The following RNF38 variants were observed in gnomAD, a reference collection of about 807,000 sequenced individuals.
The protein encoded by RNF38 is E3 ubiquitin-protein ligase RNF38.
Under a neutral mutation model 67.2 loss-of-function variants are expected in RNF38, and 15 were observed. That is an observed-to-expected ratio of 0.22 (90% confidence interval 0.15 to 0.34). RNF38 has a LOEUF of 0.34. Ranked by LOEUF, RNF38 falls within the 10% of genes least tolerant of loss-of-function variation. The pLI, the probability that RNF38 is intolerant of heterozygous loss-of-function variation, is 1.00. For synonymous variants in RNF38, 220 were observed against 218.8 expected, an observed-to-expected ratio of 1.01 and a Z score of -0.05; for missense variants, 524 against 639.9, an observed-to-expected ratio of 0.82 and a Z score of 1.95.
intron 2 of RNF38, among the ~76,000 whole-genome samples, chr9:36,380,058 GA>G (rs1397463577): frequency 3.3e-5 from 5 of 152,302 alleles, no homozygotes; most frequent in Admixed American, 2.0e-4. Flanking sequence ...GACAAGGCAT[GA>G]AAGATCACTA....
At position 36,423,810 on chromosome 9, in the gene RNF38, G is replaced by A. The variant is rs1394340780; in HGVS notation, n.312+803C>T. On this transcript the variant is annotated intron_variant and non_coding_transcript_variant, in intron 2 of 3. Coordinates refer to the RNF38 transcript ENST00000488058. ...TAAAAATACAAAAAATTAGCCGGGC[G>A]TGGTGGCGGGCGCCTGTAGTCCCAG... Among the ~76,000 whole-genome samples the A allele has an allele frequency of 1.1e-4, 10 of 89,202 alleles. 1 individual carries two copies. Among genetic ancestry groups the A allele is most frequent in the Non-Finnish European group, 1.9e-4 (7 of 37,518 alleles). The allele number at this position is 89,202 out of a possible 152,430, so 58.5% of individuals were successfully genotyped here. A position where few individuals can be genotyped will look rare whatever the true frequency, so the allele number is the denominator to read the frequency against.
intron 1 of RNF38, among the ~76,000 whole-genome samples, chr9:36,477,854 C>T (rs1840157784): frequency 1.3e-5 from 2 of 149,160 alleles, no homozygotes; most frequent in Admixed American, 6.7e-5. Flanking sequence ...AAAAGGATAG[C>T]GTAGTTGTCA....
rs946379325 is a variant in RNF38, at chr9:36,466,869, TA to T, written n.241+20438del. ...ATCAGAAGACAATAATGTCTACTTA[TA>T]AAAAAATTTGAAAAGGCATAAAGAC... is the stretch of plus-strand genomic sequence containing the variant. On this transcript the variant is annotated intron_variant and non_coding_transcript_variant, in intron 1 of 3. Coordinates refer to the RNF38 transcript ENST00000488058. 1.3e-4 allele frequency among the ~76,000 whole-genome samples: 19 copies of T among 151,836 alleles called. No individual in the cohort carries two copies. In the East Asian group the frequency reaches 2.1e-3, roughly 17 times the overall value.
chr9:36,483,179 A>T lies in RNF38; in HGVS notation n.241+4129T>A, dbSNP rs187934004. 3.9e-4 allele frequency among the ~76,000 whole-genome samples: 60 copies of T among 152,238 alleles called. No individual in the cohort carries two copies. In the East Asian group the frequency reaches 0.011, roughly 28 times the overall value. ...AGGCAGGCTGATCACAGAGGTCAGG[A>T]GTTTGAGACCAGCCTGGCCAACATG... On this transcript the variant is annotated intron_variant and non_coding_transcript_variant, in intron 1 of 3. Transcript: ENST00000488058.
Position 36,455,510 on chromosome 9 carries a change from C to T in RNF38, n.242-30827G>A, listed in dbSNP as rs150498445. Among the ~76,000 whole-genome samples the T allele has an allele frequency of 1.9e-3, 293 of 151,706 alleles. 1 individual carries two copies. Among genetic ancestry groups the T allele is most frequent in the African/African-American group, 6.8e-3 (282 of 41,410 alleles). ...AAAAGTGCACTCATTTAGCTGGACG[C>T]GGTGGCTCACGCCTATAATCCCAGC... is the stretch of plus-strand genomic sequence containing the variant. On this transcript the variant is annotated intron_variant and non_coding_transcript_variant, in intron 1 of 3. Transcript: ENST00000488058.
At chr9:36,389,431 C>G (rs1384096514) in intron 2 of RNF38, among the ~76,000 whole-genome samples, 1 of 151,708 alleles carries the variant, frequency 6.6e-6, no homozygotes, top group African/African-American at 2.4e-5. Context: ...AGACAAGATA[C>G]AGCTAAAGTT....
chr9:36,372,553 C>A, intron 3 of RNF38: 2 of 716,106 alleles, frequency 2.8e-6, no homozygotes. Context: ...TTGGCACAGC[C>A]TGTTTCTGGG....
intron 1 of RNF38, among the ~76,000 whole-genome samples, chr9:36,470,312 C>T (rs1217692660): frequency 6.6e-6 from 1 of 152,194 alleles, no homozygotes; most frequent in Non-Finnish European, 1.5e-5. Flanking sequence ...CTCAGGGCCA[C>T]AAACCATAAG....
At chr9:36,415,664 A>G (rs899706493) in intron 2 of RNF38, among the ~76,000 whole-genome samples, 3 of 152,120 alleles carry the variant, frequency 2.0e-5, no homozygotes, top group African/African-American at 7.2e-5. Flanking sequence ...GAGTCCTGTA[A>G]TGTGATCAGT....
intron 1 of RNF38, among the ~76,000 whole-genome samples, chr9:36,445,190 G>A (rs2134313316): frequency 6.6e-6 from 1 of 152,216 alleles, no homozygotes; most frequent in African/African-American, 2.4e-5. Context: ...CAACCTATCA[G>A]CAATAAATAG....
intron 1 of RNF38, among the ~76,000 whole-genome samples, chr9:36,478,892 G>C (rs539571205): frequency 1.1e-4 from 16 of 151,834 alleles, no homozygotes; most frequent in Non-Finnish European, 2.2e-4. Flanking sequence ...GGCTTTTGTG[G>C]GCAATCAATC....
At chr9:36,424,674 C>A (rs1838723847) in exon 2 of RNF38, 2 of 984,856 alleles carry the variant, frequency 2.0e-6, no homozygotes, top group Non-Finnish European at 2.4e-6. Context: ...AAAAGAAGCA[C>A]CAACACTACC....
At chr9:36,346,718 T>C (rs1323338436) in intron 9 of RNF38, among the ~76,000 whole-genome samples, 2 of 152,212 alleles carry the variant, frequency 1.3e-5, no homozygotes, top group African/African-American at 4.8e-5. Context: ...TTTATTATGA[T>C]ACTACAACTT....
chr9:36,484,696 A>T (rs985836945), intron 1 of RNF38, among the ~76,000 whole-genome samples: 42 of 152,304 alleles, frequency 2.8e-4, no homozygotes, highest in African/African-American at 9.1e-4. Flanking sequence ...ATATGGGCAT[A>T]GCCACAAACA....
At chr9:36,398,216 T>A (rs1173728721) in intron 1 of RNF38, among the ~76,000 whole-genome samples, 1 of 152,218 alleles carries the variant, frequency 6.6e-6, no homozygotes, top group South Asian at 2.1e-4. Context: ...TACAAGAAGA[T>A]AATAGGGCTC....
intron 1 of RNF38, among the ~76,000 whole-genome samples, chr9:36,426,949 G>A (rs1036037929): frequency 3.3e-5 from 5 of 152,210 alleles, no homozygotes; most frequent in African/African-American, 7.2e-5. Context: ...TCATAGCACA[G>A]TGCCTGGCAC....
At chr9:36,452,895 C>T (rs189918244) in intron 1 of RNF38, among the ~76,000 whole-genome samples, 11 of 152,272 alleles carry the variant, frequency 7.2e-5, no homozygotes, top group Non-Finnish European at 1.2e-4. Context: ...TTTGTTTATT[C>T]ATCAGCGGAA....
chr9:36,423,281 C>T (rs996998787), intron 2 of RNF38, among the ~76,000 whole-genome samples: 5 of 152,116 alleles, frequency 3.3e-5, no homozygotes, highest in African/African-American at 1.2e-4. Context: ...TATAAGCTAC[C>T]ACTCTCTGTA....
chr9:36,381,583 G>A (rs369902931), intron 2 of RNF38, among the ~76,000 whole-genome samples: 256 of 152,284 alleles, frequency 1.7e-3, no homozygotes, highest in African/African-American at 5.8e-3. Flanking sequence ...CCAGTGTATT[G>A]GTTAACAGAC....
Sources: allele counts gnomAD v4.1 joint callset (sites outside exome capture counted in the v4.1 genomes callset), GRCh38; gene constraint gnomAD v4.1.1; transcripts MANE v1.5; gene names NCBI Gene and HGNC (gene_info 2026-07-23, HGNC 2026-07-21).